Variants in KATNBL1 observed in about 807,000 individuals in gnomAD.
The protein encoded by KATNBL1 is katanin regulatory subunit B1 like 1, also known as KATNB1-like protein 1.
In KATNBL1, 28 loss-of-function variants were observed where a neutral mutation model predicts 44.7. The ratio of observed to expected loss-of-function variants is 0.63; its 90% CI spans 0.46 to 0.86. The LOEUF (loss-of-function observed/expected upper bound fraction) is 0.86. KATNBL1 is among the 40% of genes least tolerant of loss of function. The pLI is 0.00. For missense variants in KATNBL1, 272 were observed against 350.7 expected, an observed-to-expected ratio of 0.78 and a Z score of 1.79; for synonymous variants, 78 against 114.9, an observed-to-expected ratio of 0.68 and a Z score of 2.06.
At chr15:34,207,009 T>C (rs1284908205) in intron 1 of KATNBL1, among the ~76,000 whole-genome samples, 2 of 150,380 alleles carry the variant, frequency 1.3e-5, no homozygotes, top group Admixed American at 6.6e-5. Context: ...TGTAATGTTA[T>C]GATGCATCTT....
intron 1 of KATNBL1, among the ~76,000 whole-genome samples, chr15:34,196,636 G>A (rs895580180): frequency 6.6e-6 from 1 of 152,100 alleles, no homozygotes; most frequent in Non-Finnish European, 1.5e-5. Flanking sequence ...GCTGATGCAG[G>A]AGAATCACTT....
intron 4 of KATNBL1, among the ~76,000 whole-genome samples, chr15:34,151,436 CTTTTTTTTT>C (rs58824450): frequency 1.2e-4 from 7 of 60,710 alleles, no homozygotes; most frequent in East Asian, 5.6e-4. Flanking sequence ...CCTTTGCCTA[CTTTTTTTTT>C]TTTTTTTTTT....
intron 1 of KATNBL1, among the ~76,000 whole-genome samples, chr15:34,202,907 C>T (rs1256304553): frequency 6.6e-6 from 1 of 152,142 alleles, no homozygotes; most frequent in African/African-American, 2.4e-5. Flanking sequence ...AGAAGAATTG[C>T]TTGAGCCCGG....
chr15:34,142,246 T>G lies in KATNBL1; in HGVS notation c.*93A>C. 1 of 1,250,512 alleles carries G rather than the reference T, an allele frequency of 8.0e-7. No homozygotes were observed. Among genetic ancestry groups the G allele is most frequent in the South Asian group, 2.1e-5 (1 of 48,498 alleles). The allele number at this position is 1,250,512 out of a possible 1,614,324, so 77.5% of individuals were successfully genotyped here. ...AAAATAGTTTTGATTTCTTCCACAG[T>G]TCACAGTTCTCAGACGAGACTTTTT... On this transcript the variant is annotated 3_prime_UTR_variant, in exon 10 of 10. Coordinates refer to ENST00000256544, the MANE Select transcript of KATNBL1 (RefSeq NM_024713.3).
chr15:34,176,669 A>G (rs953342966), intron 1 of KATNBL1, among the ~76,000 whole-genome samples: 9 of 152,176 alleles, frequency 5.9e-5, no homozygotes, highest in African/African-American at 2.2e-4. Flanking sequence ...ATATACTTAC[A>G]ATCAGTAAAT....
chr15:34,182,389 G>T (rs74992134), intron 1 of KATNBL1, among the ~76,000 whole-genome samples: 3 of 151,900 alleles, frequency 2.0e-5, no homozygotes, highest in Non-Finnish European at 4.4e-5. Flanking sequence ...ATACAATTAC[G>T]GTGTTCTGGA....
intron 2 of KATNBL1, among the ~76,000 whole-genome samples, chr15:34,160,847 T>C (rs573504844): frequency 1.3e-5 from 2 of 152,246 alleles, no homozygotes; most frequent in East Asian, 3.9e-4. Context: ...TTTTTTGCCT[T>C]CCCGACTACT....
chr15:34,199,335 G>A lies in KATNBL1; in HGVS notation c.-15+10616C>T, dbSNP rs530794599. Among the ~76,000 whole-genome samples the A allele has an allele frequency of 1.6e-3, 242 of 152,304 alleles. 1 individual carries two copies. The highest frequency in any genetic ancestry group is 5.4e-3 in the African/African-American group (226 of 41,568). On this transcript the variant is annotated intron_variant, in intron 1 of 9. Transcript: ENST00000256544. ...GCCTCGAGTCCCAGCTACTCTGGAG[G>A]CTAAGGCAGGAGAATCTCTTGAACC...
intron 1 of KATNBL1, among the ~76,000 whole-genome samples, chr15:34,169,904 A>G (rs2140943027): frequency 1.3e-5 from 2 of 152,192 alleles, no homozygotes; most frequent in Middle Eastern, 6.8e-3. Flanking sequence ...CATGCTAAAA[A>G]CTCTCAATAA....
chr15:34,196,041 C>T (rs535906170), intron 1 of KATNBL1, among the ~76,000 whole-genome samples: 2 of 152,114 alleles, frequency 1.3e-5, no homozygotes, highest in Non-Finnish European at 2.9e-5. Context: ...GGGGTAAGCA[C>T]ATTCTGGCTT....
At chr15:34,194,804 A>G (rs1301526281) in intron 1 of KATNBL1, among the ~76,000 whole-genome samples, 1 of 152,258 alleles carries the variant, frequency 6.6e-6, no homozygotes, top group Non-Finnish European at 1.5e-5. Context: ...TAAGAACACA[A>G]ATAGACATTC....
intron 3 of KATNBL1, 89 bp downstream of exon 3, chr15:34,154,555 T>C (rs898027185): frequency 2.5e-6 from 2 of 803,840 alleles, no homozygotes; most frequent in African/African-American, 3.5e-5. Context: ...ATTATTATTA[T>C]GATAAAAGAA....
intron 1 of KATNBL1, among the ~76,000 whole-genome samples, chr15:34,178,688 G>A (rs180674323): frequency 1.1e-4 from 17 of 149,488 alleles, no homozygotes; most frequent in Admixed American, 8.1e-4. Context: ...CCCAGGAGGC[G>A]GAGCTTGCAG....
At chr15:34,164,607 T>TG (rs1555527832) in intron 1 of KATNBL1, among the ~76,000 whole-genome samples, 1 of 152,238 alleles carries the variant, frequency 6.6e-6, no homozygotes, top group Non-Finnish European at 1.5e-5. Flanking sequence ...ACAAATGCTA[T>TG]GACTTAATTT....
chr15:34,173,566 G>A (rs901129231), intron 1 of KATNBL1, among the ~76,000 whole-genome samples: 1 of 151,968 alleles, frequency 6.6e-6, no homozygotes, highest in Non-Finnish European at 1.5e-5. Context: ...AAAAAAGAAA[G>A]ATAAGAAATG....
intron 1 of KATNBL1, among the ~76,000 whole-genome samples, chr15:34,188,491 GGTTGCA>G (rs1425295306): frequency 6.6e-6 from 1 of 152,190 alleles, no homozygotes; most frequent in African/African-American, 2.4e-5. Flanking sequence ...GGGAGGTGGA[GGTTGCA>G]GTGAGTCAAG....
At chr15:34,190,070 G>C (rs1889829696) in intron 1 of KATNBL1, among the ~76,000 whole-genome samples, 1 of 151,618 alleles carries the variant, frequency 6.6e-6, no homozygotes, top group Admixed American at 6.6e-5. Flanking sequence ...TCAGCCTCCT[G>C]AGTAGCTGGG....
chr15:34,177,633 T>TA (rs10524351), intron 1 of KATNBL1, among the ~76,000 whole-genome samples: 2 of 91,906 alleles, frequency 2.2e-5, no homozygotes, highest in Admixed American at 1.5e-4. Context: ...AACTCTGTCT[T>TA]AAAAAAAAAA....
At chr15:34,163,836 A>G in intron 1 of KATNBL1, 146 bp from the exon 2 acceptor site, 1 of 472,168 alleles carries the variant, frequency 2.1e-6, no homozygotes, top group Non-Finnish European at 3.7e-6. Context: ...AAAAACCTTA[A>G]ACATAGAGGA....
Sources: allele counts gnomAD v4.1 joint callset (sites outside exome capture counted in the v4.1 genomes callset), GRCh38; gene constraint gnomAD v4.1.1; transcripts MANE v1.5; gene names NCBI Gene and HGNC (gene_info 2026-07-23, HGNC 2026-07-21).